The following TCF3 variants were observed in gnomAD, a reference collection of about 807,000 sequenced individuals.
TCF3 encodes transcription factor 3.
Under a neutral mutation model 72.3 loss-of-function variants are expected in TCF3, and 54 were observed. The observed-to-expected ratio is 0.75, with a 90% CI of 0.60 to 0.94. TCF3 has a LOEUF of 0.94. Among genes scored for constraint, TCF3 ranks in the 40% least tolerant of loss-of-function variants. The pLI is 0.00. For synonymous variants in TCF3, 525 were observed against 412.6 expected (o/e 1.27, Z -3.30); for missense variants, 1,078 against 934.4 (o/e 1.15, Z -2.00).
intron 2 of TCF3, among the ~76,000 whole-genome samples, chr19:1,648,827 G>A (rs112017783): frequency 3.3e-5 from 5 of 150,866 alleles, no homozygotes; most frequent in East Asian, 2.0e-4. Context: ...TGGGGGGGGG[G>A]GGGGAGCAGA....
chr19:1,627,052 G>T (rs1158532622), intron 6 of TCF3, among the ~76,000 whole-genome samples: 16 of 152,168 alleles, frequency 1.1e-4, no homozygotes, highest in Non-Finnish European at 2.2e-4. Context: ...CTCCCCAGGG[G>T]GTCCACACCT....
chr19:1,611,893 G>A (rs1189911321), intron 18 of TCF3, 44 bp from the exon 19 acceptor site: 4 of 1,322,098 alleles, frequency 3.0e-6, no homozygotes, highest in Middle Eastern at 2.2e-4. Context: ...GTCCCAGGGA[G>A]GAGAAAGATG....
intron 3 of TCF3, among the ~76,000 whole-genome samples, chr19:1,633,873 C>T (rs796244093): frequency 1.5e-4 from 23 of 152,292 alleles, no homozygotes; most frequent in African/African-American, 4.6e-4. Context: ...GTGGGCACAG[C>T]GCCGGCACCC....
chr19:1,615,208 C>T lies in TCF3; in HGVS notation c.1822+77G>A, dbSNP rs2061428055. ...GGAGGGCTGGCTCCAGGAAGGCGGG[C>T]GGGGAAGGAGAACGAGGGCAGGAAC... On this transcript the variant is annotated intron_variant, in intron 18 of 18. Transcript: ENST00000262965. The surrounding 1 kb of genome is among the most constrained non-coding windows in gnomAD (Gnocchi z 7.3). 23 of 1,486,968 alleles carry T rather than the reference C, an allele frequency of 1.5e-5. No homozygotes were observed. Among genetic ancestry groups the T allele is most frequent in the South Asian group, 8.1e-5 (6 of 74,440 alleles). The allele number at this position is 1,486,968 out of a possible 1,614,324, so 92.1% of individuals were successfully genotyped here.
intron 11 of TCF3, 30 bp from the exon 12 acceptor site, chr19:1,621,221 A>G (rs1599594743): frequency 6.5e-7 from 1 of 1,529,452 alleles, no homozygotes; most frequent in Non-Finnish European, 8.7e-7. Context: ...AGGCCCACGC[A>G]GCCCGGCCTG....
intron 6 of TCF3, among the ~76,000 whole-genome samples, chr19:1,626,594 C>T (rs998766919): frequency 1.1e-4 from 17 of 152,164 alleles, no homozygotes; most frequent in African/African-American, 3.1e-4. Context: ...ATGAGTCACC[C>T]GGGAGCGCCA....
intron 3 of TCF3, among the ~76,000 whole-genome samples, chr19:1,639,338 C>A (rs1209427541): frequency 6.6e-6 from 1 of 152,204 alleles, no homozygotes; most frequent in African/African-American, 2.4e-5. Flanking sequence ...GCCACCACCA[C>A]CAGCCAAGGA....
intron 3 of TCF3, among the ~76,000 whole-genome samples, chr19:1,633,583 T>C (rs1373690785): frequency 6.6e-6 from 1 of 152,254 alleles, no homozygotes; most frequent in South Asian, 2.1e-4. Flanking sequence ...CTGTCTGATT[T>C]GCATAATTAT....
At chr19:1,644,902 C>A (rs1041858417) in intron 3 of TCF3, among the ~76,000 whole-genome samples, 1 of 151,974 alleles carries the variant, frequency 6.6e-6, no homozygotes, top group Non-Finnish European at 1.5e-5. Flanking sequence ...CTCCAGGAAG[C>A]CCCCAGGGCC....
intron 6 of TCF3, 101 bp from the exon 7 acceptor site, chr19:1,625,809 C>T (rs1403947618): frequency 1.6e-5 from 22 of 1,361,568 alleles, no homozygotes; most frequent in Non-Finnish European, 1.7e-5. Context: ...CTCAGACCCG[C>T]CCTGCAGTGG....
chr19:1,615,942 A>C lies in TCF3; in HGVS notation c.1451-121T>G. On this transcript the variant is annotated intron_variant, in intron 16 of 18. Coordinates refer to ENST00000262965, the MANE Select transcript of TCF3 (RefSeq NM_003200.5). This position sits in a 1 kb window ranked among gnomAD's most constrained non-coding sequence, Gnocchi z 7.3. Reference sequence around the variant, plus strand: ...GAAAAACCAGGTCTTGGCCAAAAATAAAAACAAAAAACCAACAACCAGAAC... The same window carrying C: ...GAAAAACCAGGTCTTGGCCAAAAATCAAAACAAAAAACCAACAACCAGAAC... 8.0e-7 allele frequency: 1 copy of C among 1,250,034 alleles called. No individual in the cohort carries two copies. Among genetic ancestry groups the C allele is most frequent in the Non-Finnish European group, 1.1e-6 (1 of 934,466 alleles). The allele number at this position is 1,250,034 out of a possible 1,614,324, so 77.4% of individuals were successfully genotyped here.
Position 1,611,824 on chromosome 19 carries a change from GGCT to G in TCF3, c.1845_1847del (p.Ala616del). ...TTTCCTCTTCTCGCCGTTTCAAACA[GGCT>G]GCTTTGGGATTCAGGTTCCGCTCTG... On this transcript the variant is annotated inframe_deletion, in exon 19 of 19. Coordinates refer to ENST00000262965, the MANE Select transcript of TCF3 (RefSeq NM_003200.5). The G allele has an allele frequency of 1.9e-6, 3 of 1,613,338 alleles. No homozygotes were observed. Among genetic ancestry groups the G allele is most frequent in the Non-Finnish European group, 2.5e-6 (3 of 1,179,882 alleles).
chr19:1,612,677 G>A (rs1023103390), intron 18 of TCF3, among the ~76,000 whole-genome samples: 16 of 146,992 alleles, frequency 1.1e-4, no homozygotes, highest in African/African-American at 4.0e-4. Flanking sequence ...GCAGGTACAC[G>A]GCTGGTGTTG....
chr19:1,630,864 C>T (rs139968096), intron 5 of TCF3, among the ~76,000 whole-genome samples: 7 of 152,310 alleles, frequency 4.6e-5, no homozygotes, highest in African/African-American at 4.8e-5. Context: ...TTGACACTCC[C>T]GCAGGAGGCG....
chr19:1,621,390 A>G (rs2062186860), intron 11 of TCF3, among the ~76,000 whole-genome samples, 199 bp from the exon 12 acceptor site: 1 of 152,002 alleles, frequency 6.6e-6, no homozygotes, highest in Non-Finnish European at 1.5e-5. Context: ...CTGGCAGGGG[A>G]CCCTGGGTGG....
chr19:1,622,853 G>C (rs1433342268), intron 8 of TCF3, among the ~76,000 whole-genome samples: 1 of 152,192 alleles, frequency 6.6e-6, no homozygotes, highest in Non-Finnish European at 1.5e-5. Context: ...CTTCACTAAA[G>C]TAACAGGAAG....
chr19:1,629,837 G>A (rs2063481780), intron 5 of TCF3, among the ~76,000 whole-genome samples: 1 of 152,174 alleles, frequency 6.6e-6, no homozygotes, highest in South Asian at 2.1e-4. Flanking sequence ...CCCAACTCCT[G>A]GAACAAATGC....
In TCF3 at chr19:1,614,453, C is replaced by T. The variant is rs1034340013; in HGVS notation, c.1822+832G>A. On this transcript the variant is annotated intron_variant, in intron 18 of 18. Transcript: ENST00000262965. This position sits in a 1 kb window ranked among gnomAD's most constrained non-coding sequence, Gnocchi z 5.6. Reference sequence around the variant, plus strand: ...GGGGCTGCCACGGGAAGCAGAGGGACGGACGGGCGGGATGGAGGGGAGGGC... The same window carrying T: ...GGGGCTGCCACGGGAAGCAGAGGGATGGACGGGCGGGATGGAGGGGAGGGC... Among the ~76,000 whole-genome samples the T allele has an allele frequency of 6.6e-6, 1 of 152,020 alleles. No homozygotes were observed. The highest frequency in any genetic ancestry group is 1.5e-5 in the Non-Finnish European group (1 of 67,992).
At chr19:1,619,955 T>G in intron 13 of TCF3, 102 bp from the exon 14 acceptor site, 1 of 1,065,908 alleles carries the variant, frequency 9.4e-7, no homozygotes. Context: ...CTGTCCAGCC[T>G]CCGGTGATGC....
Sources: allele counts gnomAD v4.1 joint callset (sites outside exome capture counted in the v4.1 genomes callset), GRCh38; gene constraint gnomAD v4.1.1; non-coding constraint Gnocchi (gnomAD v3.1); transcripts MANE v1.5; gene names NCBI Gene and HGNC (gene_info 2026-07-23, HGNC 2026-07-21).